R3HDM1: variants seen among roughly 807,000 people sequenced by gnomAD.
R3HDM1 encodes R3H domain-containing protein 1.
R3HDM1 carries 46 observed loss-of-function variants against 141.1 expected under a neutral mutation model. The observed-to-expected ratio is 0.33, with a 90% CI of 0.26 to 0.42. R3HDM1 has a LOEUF of 0.42. R3HDM1 is among the 10% of genes least tolerant of loss of function. R3HDM1 has a pLI of 1.00. For synonymous variants in R3HDM1, 435 were observed against 472.9 expected, an observed-to-expected ratio of 0.92 and a Z score of 1.04; for missense variants, 1,184 against 1,368.3, an observed-to-expected ratio of 0.87 and a Z score of 2.12.
intron 3 of R3HDM1, chr2:135,605,246 G>T: frequency 3.7e-6 from 1 of 270,426 alleles, no homozygotes; most frequent in Non-Finnish European, 6.9e-6. Flanking sequence ...CATTTTTATT[G>T]GCTTTCTACT....
intron 21 of R3HDM1, among the ~76,000 whole-genome samples, chr2:135,693,304 G>A (rs1367648443): frequency 6.6e-6 from 1 of 152,118 alleles, no homozygotes; most frequent in Non-Finnish European, 1.5e-5. Flanking sequence ...GCAGTGGTCT[G>A]GGTTTTGCCT....
chr2:135,581,072 T>C (rs747061133), intron 1 of R3HDM1: 2 of 553,350 alleles, frequency 3.6e-6, no homozygotes, highest in Non-Finnish European at 4.6e-6. Context: ...TTATATCTTA[T>C]ACTAGACCAT....
chr2:135,710,295 T>C lies in R3HDM1; in HGVS notation c.2736+64T>C, dbSNP rs111955408. ...ATTTTTGTTACCTAAGATTGACTTA[T>C]AAGGCTTGAATTTGAAATCCCGTCA... On this transcript the variant is annotated intron_variant, in intron 23 of 26. Coordinates refer to ENST00000683871, the MANE Select transcript of R3HDM1 (RefSeq NM_001378107.1). The C allele has an allele frequency of 3.3e-5, 49 of 1,497,868 alleles. 1 individual carries two copies. The African/African-American group carries it at 4.6e-4, about 14-fold the overall frequency. The allele number at this position is 1,497,868 out of a possible 1,614,324, so 92.8% of individuals were successfully genotyped here. A position where few individuals can be genotyped will look rare whatever the true frequency, so the allele number is the denominator to read the frequency against.
At chr2:135,571,545 C>T (rs975972758) in intron 1 of R3HDM1, among the ~76,000 whole-genome samples, 1 of 151,916 alleles carries the variant, frequency 6.6e-6, no homozygotes. Context: ...AGACTGGTCT[C>T]GAACTCCTGA....
chr2:135,719,500 G>A (rs1001419659), intron 24 of R3HDM1, among the ~76,000 whole-genome samples: 5 of 151,720 alleles, frequency 3.3e-5, no homozygotes, highest in South Asian at 4.2e-4. Context: ...AAAAAAAGGA[G>A]TTATCCATTA....
intron 24 of R3HDM1, among the ~76,000 whole-genome samples, chr2:135,716,145 C>T (rs1399643143): frequency 3.9e-5 from 6 of 152,090 alleles, no homozygotes; most frequent in African/African-American, 1.4e-4. Flanking sequence ...AGAGAAACTA[C>T]AAAAATCAGC....
intron 1 of R3HDM1, among the ~76,000 whole-genome samples, chr2:135,568,322 A>G (rs1703260041): frequency 6.6e-6 from 1 of 151,846 alleles, no homozygotes; most frequent in Non-Finnish European, 1.5e-5. Context: ...TGCTGGGATT[A>G]TAGGAGTAAG....
chr2:135,586,051 C>G (rs1178018049), intron 1 of R3HDM1, among the ~76,000 whole-genome samples: 1 of 152,072 alleles, frequency 6.6e-6, no homozygotes, highest in African/African-American at 2.4e-5. Flanking sequence ...TTATTTATGG[C>G]TTGTTCTTTA....
intron 1 of R3HDM1, among the ~76,000 whole-genome samples, chr2:135,592,989 G>A (rs949612721): frequency 3.3e-5 from 5 of 151,630 alleles, no homozygotes; most frequent in South Asian, 2.1e-4. Context: ...GTGCCATCTC[G>A]GCTCACTGCA....
At chr2:135,593,291 C>G (rs1244290787) in intron 1 of R3HDM1, among the ~76,000 whole-genome samples, 1 of 152,134 alleles carries the variant, frequency 6.6e-6, no homozygotes, top group Non-Finnish European at 1.5e-5. Context: ...TTATTTATTT[C>G]AGTCCTGCAT....
At chr2:135,621,739 G>C in intron 6 of R3HDM1, 131 bp downstream of exon 6, 1 of 1,282,246 alleles carries the variant, frequency 7.8e-7, no homozygotes, top group Non-Finnish European at 1.0e-6. Context: ...GGATGATACA[G>C]TACTTAACTC....
chr2:135,667,406 ATC>A (rs1207170327), intron 19 of R3HDM1, among the ~76,000 whole-genome samples: 2 of 151,450 alleles, frequency 1.3e-5, no homozygotes, highest in Non-Finnish European at 2.9e-5. Context: ...AAAAAAAAAA[ATC>A]TATGTTGAGA....
At chr2:135,663,078 A>G (rs1049383421) in intron 19 of R3HDM1, among the ~76,000 whole-genome samples, 3 of 151,676 alleles carry the variant, frequency 2.0e-5, no homozygotes, top group Non-Finnish European at 4.4e-5. Context: ...AACTGCCTAT[A>G]AAATCACTTT....
intron 9 of R3HDM1, among the ~76,000 whole-genome samples, chr2:135,632,371 C>T (rs1383646694): frequency 6.6e-6 from 1 of 151,456 alleles, no homozygotes; most frequent in Non-Finnish European, 1.5e-5. Context: ...AGACTTTGTC[C>T]GTGACACCCT....
intron 3 of R3HDM1, among the ~76,000 whole-genome samples, chr2:135,615,264 A>G (rs2060917195): frequency 1.3e-5 from 2 of 151,558 alleles, no homozygotes; most frequent in South Asian, 4.2e-4. Flanking sequence ...TTTTTAATGT[A>G]AAGCATACTA....
chr2:135,617,258 C>T (rs1365525573), intron 5 of R3HDM1, among the ~76,000 whole-genome samples: 2 of 151,852 alleles, frequency 1.3e-5, no homozygotes, highest in Non-Finnish European at 1.5e-5. Flanking sequence ...ACCCAGGAGG[C>T]GGAGCTTGCA....
chr2:135,692,099 G>A (rs1333587555), intron 21 of R3HDM1, among the ~76,000 whole-genome samples: 1 of 151,900 alleles, frequency 6.6e-6, no homozygotes, highest in Admixed American at 6.6e-5. Flanking sequence ...TTTTAGTGTA[G>A]GCGGGGTTCA....
At chr2:135,700,669 G>C (rs1434573307) in intron 21 of R3HDM1, among the ~76,000 whole-genome samples, 1 of 152,138 alleles carries the variant, frequency 6.6e-6, no homozygotes, top group African/African-American at 2.4e-5. Context: ...TATTGCTTGA[G>C]AAGAATACAC....
chr2:135,553,703 T>C (rs1162281909), intron 1 of R3HDM1, among the ~76,000 whole-genome samples: 4 of 152,244 alleles, frequency 2.6e-5, no homozygotes, highest in Admixed American at 2.6e-4. Flanking sequence ...TTTGTTTGTT[T>C]GTTTTTGAGA....
Sources: allele counts gnomAD v4.1 joint callset (sites outside exome capture counted in the v4.1 genomes callset), GRCh38; gene constraint gnomAD v4.1.1; transcripts MANE v1.5; gene names NCBI Gene and HGNC (gene_info 2026-07-23, HGNC 2026-07-21).